PARN: variants seen among roughly 807,000 people sequenced by gnomAD.
PARN encodes the protein poly(A)-specific ribonuclease.
In PARN, 71 loss-of-function variants were observed where a neutral mutation model predicts 102.8. The observed-to-expected ratio is 0.69, with a 90% CI of 0.57 to 0.84. PARN has a LOEUF of 0.84. Ranked by LOEUF, PARN falls within the 40% of genes least tolerant of loss-of-function variation. The pLI is 0.00. For missense variants in PARN, 782 were observed against 760.9 expected (o/e 1.03, Z -0.33); for synonymous variants, 261 against 252.9 (o/e 1.03, Z -0.30).
chr16:14,582,420 T>A lies in PARN; in HGVS notation c.1082-129A>T, dbSNP rs749939812. The A allele has an allele frequency of 7.6e-6, 5 of 656,904 alleles. No individual in the cohort carries two copies. In the Admixed American group the frequency reaches 1.2e-4, roughly 16 times the overall value. 40.7% of individuals were successfully genotyped at this position (656,904 alleles called of 1,614,324 possible). On this transcript the variant is annotated intron_variant, in intron 16 of 23. Transcript: ENST00000437198. Reference sequence around the variant, plus strand: ...AGGCAGAAAAAAGCTATCTATTCCTTAATTCTCTCTATATAAGACCTTAAA... The same window carrying A: ...AGGCAGAAAAAAGCTATCTATTCCTAAATTCTCTCTATATAAGACCTTAAA...
chr16:14,543,966 G>C (rs913716021), intron 21 of PARN, among the ~76,000 whole-genome samples: 1 of 152,122 alleles, frequency 6.6e-6, no homozygotes, highest in Non-Finnish European at 1.5e-5. Context: ...AGGCCAACGC[G>C]GGAAGATCAC....
intron 23 of PARN, among the ~76,000 whole-genome samples, chr16:14,444,089 C>G (rs1961080864): frequency 6.6e-6 from 1 of 152,148 alleles, no homozygotes; most frequent in South Asian, 2.1e-4. Flanking sequence ...ATGAGCAAGC[C>G]AAATTGGCTG....
intron 13 of PARN, among the ~76,000 whole-genome samples, chr16:14,586,862 G>A (rs1969890003): frequency 6.6e-6 from 1 of 152,144 alleles, no homozygotes; most frequent in South Asian, 2.1e-4. Flanking sequence ...AAATGGCCTT[G>A]GAAACACAGG....
chr16:14,485,887 C>T (rs1200678147), intron 21 of PARN, among the ~76,000 whole-genome samples: 1 of 152,138 alleles, frequency 6.6e-6, no homozygotes, highest in Non-Finnish European at 1.5e-5. Context: ...AGGGTTTCAC[C>T]GTGTTGGCCA....
chr16:14,524,803 GT>G (rs1368221583), intron 21 of PARN, among the ~76,000 whole-genome samples: 2 of 152,158 alleles, frequency 1.3e-5, no homozygotes, highest in African/African-American at 4.8e-5. Context: ...TGGTTTCTAT[GT>G]GTCTTTCCTT....
chr16:14,547,484 C>T (rs982084149), intron 21 of PARN, among the ~76,000 whole-genome samples: 1 of 151,768 alleles, frequency 6.6e-6, no homozygotes, highest in Non-Finnish European at 1.5e-5. Flanking sequence ...GGAGAGAGGA[C>T]GGCTTGAGGC....
intron 21 of PARN, chr16:14,501,462 AGAAAGAAAAAGAGAATGAATGTT>A (rs1964609633): frequency 7.6e-6 from 1 of 131,364 alleles, no homozygotes; most frequent in Non-Finnish European, 1.7e-5. Flanking sequence ...AAAAAAAAAC[AGAAAGAAAAAGAGAATGAATGTT>A]AAAATGTAGG....
chr16:14,556,335 T>C (rs1967688472), intron 18 of PARN, among the ~76,000 whole-genome samples: 1 of 151,728 alleles, frequency 6.6e-6, no homozygotes, highest in African/African-American at 2.4e-5. Flanking sequence ...ATTTTTTGTA[T>C]TTTTAGTACA....
Position 14,608,246 on chromosome 16 carries a change from C to T in PARN, c.659+35G>A, listed in dbSNP as rs188135935. 1.7e-5 allele frequency: 24 copies of T among 1,448,862 alleles called. No homozygotes were observed. The African/African-American group carries it at 3.0e-4, about 18-fold the overall frequency. 89.8% of individuals were successfully genotyped at this position (1,448,862 alleles called of 1,614,324 possible). A position where few individuals can be genotyped will look rare whatever the true frequency, so the allele number is the denominator to read the frequency against. On this transcript the variant is annotated intron_variant, in intron 9 of 23. Transcript: ENST00000437198. ...TATTTAGTCTTTAAATCCTGGGTCC[C>T]CCACAGAGCTGCTGCATACAATATA...
intron 21 of PARN, among the ~76,000 whole-genome samples, chr16:14,518,801 A>G (rs1965593418): frequency 6.6e-6 from 1 of 152,200 alleles, no homozygotes; most frequent in African/African-American, 2.4e-5. Flanking sequence ...AATATTTTAA[A>G]TAATTACAGA....
intron 23 of PARN, among the ~76,000 whole-genome samples, chr16:14,446,236 C>A (rs929945357): frequency 3.9e-5 from 6 of 152,218 alleles, no homozygotes; most frequent in Non-Finnish European, 8.8e-5. Context: ...GGATTCAGCT[C>A]AGGCAGACCT....
intron 12 of PARN, among the ~76,000 whole-genome samples, chr16:14,595,918 A>G (rs1431203388): frequency 6.6e-6 from 1 of 151,308 alleles, no homozygotes; most frequent in Non-Finnish European, 1.5e-5. Context: ...TCCTGCCTTG[A>G]CCTCCCTAAG....
chr16:14,601,125 C>G (rs751004207), intron 11 of PARN, among the ~76,000 whole-genome samples: 1 of 152,064 alleles, frequency 6.6e-6, no homozygotes, highest in Admixed American at 6.6e-5. Flanking sequence ...GTATATACCC[C>G]AAAGAATTGA....
chr16:14,622,344 GAT>G (rs1972361529), intron 5 of PARN, among the ~76,000 whole-genome samples: 1 of 152,142 alleles, frequency 6.6e-6, no homozygotes, highest in South Asian at 2.1e-4. Flanking sequence ...CATACAAAAA[GAT>G]ATACTGAACA....
chr16:14,532,057 C>G (rs906162824), intron 21 of PARN, among the ~76,000 whole-genome samples: 3 of 151,848 alleles, frequency 2.0e-5, no homozygotes, highest in Non-Finnish European at 4.4e-5. Flanking sequence ...AGAGTGAGAT[C>G]CTGTCTTAAA....
At chr16:14,628,331 A>G in intron 2 of PARN, 80 bp from the exon 3 acceptor site, 1 of 759,616 alleles carries the variant, frequency 1.3e-6, no homozygotes, top group Non-Finnish European at 2.3e-6. Flanking sequence ...CAGTGCCTCT[A>G]TAATGTCGTA....
Position 14,584,439 on chromosome 16 carries a change from AAAG to A in PARN, c.1006-20_1006-18del, listed in dbSNP as rs1969718185. On this transcript the variant is annotated intron_variant, in intron 15 of 23. Coordinates refer to ENST00000437198, the MANE Select transcript of PARN (RefSeq NM_002582.4). ...AATGATATCCTGCAAACCACGAAGC[AAAG>A]AATTATGAGATTTCATCATCTCAGA... 1 of 1,602,778 alleles carries A rather than the reference AAAG, an allele frequency of 6.2e-7. No individual in the cohort carries two copies. The highest frequency in any genetic ancestry group is 1.3e-5 in the African/African-American group (1 of 74,688).
intron 19 of PARN, 40 bp downstream of exon 19, chr16:14,555,614 T>C (rs777287378): frequency 3.1e-6 from 3 of 971,428 alleles, no homozygotes; most frequent in South Asian, 3.3e-5. Flanking sequence ...ACCACACACT[T>C]AAATGCACAG....
chr16:14,482,502 C>A, intron 22 of PARN, 136 bp downstream of exon 22: 1 of 641,936 alleles, frequency 1.6e-6, no homozygotes, highest in Non-Finnish European at 2.6e-6. Flanking sequence ...GTCATAGTCA[C>A]TTCTGATATG....
Sources: allele counts gnomAD v4.1 joint callset (sites outside exome capture counted in the v4.1 genomes callset), GRCh38; gene constraint gnomAD v4.1.1; transcripts MANE v1.5; gene names NCBI Gene and HGNC (gene_info 2026-07-23, HGNC 2026-07-21).